CDK11B: variants seen among roughly 807,000 people sequenced by gnomAD.
CDK11B encodes cyclin-dependent kinase 11B.
In CDK11B, 37 loss-of-function variants were observed where a neutral mutation model predicts 84.0. The observed-to-expected ratio is 0.44, with a 90% CI of 0.34 to 0.58. CDK11B has a LOEUF of 0.58. Among genes scored for constraint, CDK11B ranks in the 20% least tolerant of loss-of-function variants. The pLI is 0.02. For synonymous variants in CDK11B, 269 were observed against 309.8 expected (o/e 0.87, Z 1.38); for missense variants, 427 against 834.0 (o/e 0.51, Z 6.01).
Position 1,636,377 on chromosome 1 carries a change from G to A in CDK11B, c.2022C>T (p.Arg674=), listed in dbSNP as rs1371531082. ...CCTGGTCTGAGAGCAGAGCCCCGAA[G>A]CGCTTGCGGAGGTTGTTGTAGGGGT... ...SEHPYNNLRK[R]FGALLSDQGF... is the part of the protein sequence containing the mutation. The change falls in exon 18 of 20, where the codon CGC becomes CGT. Residue 674 remains arginine (R), a synonymous_variant. Coordinates refer to ENST00000341832, the MANE Select transcript of CDK11B (RefSeq NM_033486.3). 1.2e-6 allele frequency: 2 copies of A among 1,604,420 alleles called. No homozygotes were observed.
At chr1:1,647,156 T>G (rs1329251733) in intron 5 of CDK11B, among the ~76,000 whole-genome samples, 1 of 152,210 alleles carries the variant, frequency 6.6e-6, no homozygotes, top group Non-Finnish European at 1.5e-5. Context: ...TTTCTTGTTT[T>G]TTTCTCTCTG....
chr1:1,637,985 C>T (rs1307397318), intron 12 of CDK11B, 102 bp from the exon 13 acceptor site: 9 of 1,536,680 alleles, frequency 5.9e-6, no homozygotes, highest in Non-Finnish European at 8.8e-7. Flanking sequence ...AAAGCGCCAG[C>T]ATTTCACGGA....
At chr1:1,636,504 C>T (rs752463087) in intron 17 of CDK11B, 23 bp from the exon 18 acceptor site, 2 of 1,605,556 alleles carry the variant, frequency 1.2e-6, no homozygotes, top group South Asian at 2.2e-5. Flanking sequence ...GGTGCTTCAA[C>T]AGCCACACCA....
chr1:1,649,975 C>A (rs1641692875), intron 4 of CDK11B, among the ~76,000 whole-genome samples: 1 of 135,962 alleles, frequency 7.4e-6, no homozygotes, highest in Non-Finnish European at 1.6e-5. Flanking sequence ...AAAAAACCCA[C>A]GTGAAACTGA....
rs1553163128 is a variant in CDK11B, at chr1:1,653,042, C to A, written c.228-476G>T. Among the ~76,000 whole-genome samples, 11 of 143,872 alleles carry A rather than the reference C, an allele frequency of 7.6e-5. No individual in the cohort carries two copies. In the South Asian group the frequency reaches 2.0e-3, roughly 26 times the overall value. 94.4% of individuals were successfully genotyped at this position (143,872 alleles called of 152,430 possible). ...CCGGCCTGTATTTATTTTTTTGAGA[C>A]GGAGTCTCGCTCTGTTGCCCAGGCT... On this transcript the variant is annotated intron_variant, in intron 3 of 19. Transcript: ENST00000341832.
At chr1:1,638,396 A>G in intron 12 of CDK11B, 104 bp downstream of exon 12, 2 of 1,048,576 alleles carry the variant, frequency 1.9e-6, no homozygotes, top group South Asian at 1.3e-5. Flanking sequence ...TCCAACCTCC[A>G]GTAGCTGCTC....
At chr1:1,655,279 C>T (rs543682613) in intron 3 of CDK11B, 90 bp downstream of exon 3, 13 of 1,466,674 alleles carry the variant, frequency 8.9e-6, no homozygotes, top group South Asian at 5.5e-5. Flanking sequence ...ATAGTTACAA[C>T]AGCACACAGT....
chr1:1,636,600 C>T, intron 17 of CDK11B, 82 bp downstream of exon 17: 1 of 1,593,798 alleles, frequency 6.3e-7, no homozygotes. Context: ...CCCATCTCAA[C>T]CCAGCACCTG....
At chr1:1,649,870 C>CGG (rs1641666947) in intron 4 of CDK11B, among the ~76,000 whole-genome samples, 5 of 146,332 alleles carry the variant, frequency 3.4e-5, no homozygotes, top group East Asian at 4.1e-4. Flanking sequence ...AGCTACTAAG[C>CGG]GAGGCTGAGG....
intron 9 of CDK11B, 101 bp from the exon 10 acceptor site, chr1:1,641,214 G>A: frequency 6.4e-7 from 1 of 1,563,078 alleles, no homozygotes; most frequent in Non-Finnish European, 8.7e-7. Flanking sequence ...GTGTTCCCAA[G>A]AATGGATATG....
At position 1,652,524 on chromosome 1, in the gene CDK11B, T is replaced by C. The variant is rs1269774808; in HGVS notation, c.270A>G (p.Gln90=). 3.3e-6 allele frequency: 5 copies of C among 1,506,094 alleles called. No individual in the cohort carries two copies. The African/African-American group carries it at 5.8e-5, about 17-fold the overall frequency. The allele number at this position is 1,506,094 out of a possible 1,614,324, so 93.3% of individuals were successfully genotyped here. The change falls in exon 4 of 20, where the codon CAA becomes CAG. Residue 90 remains glutamine (Q), a synonymous_variant. Coordinates refer to ENST00000341832, the MANE Select transcript of CDK11B (RefSeq NM_033486.3). ...DDSLAIKPPQ[Q]MSRKEKAHHR... ...GATGAGCTTTTTCTTTCCGAGACAT[T>C]TGCTGGGGTGGTTTGATGGCCAAAG...
intron 4 of CDK11B, among the ~76,000 whole-genome samples, chr1:1,652,195 C>T (rs1422663947): frequency 3.0e-4 from 45 of 152,106 alleles, no homozygotes; most frequent in Admixed American, 8.5e-4. Context: ...GGTTTTCGGT[C>T]TGTGACACAC....
chr1:1,650,376 T>C (rs1185695077), intron 4 of CDK11B, among the ~76,000 whole-genome samples: 1 of 147,278 alleles, frequency 6.8e-6, no homozygotes, highest in Non-Finnish European at 1.5e-5. Flanking sequence ...TTTTCTTTTT[T>C]TTTTTTGGAG....
chr1:1,649,898 C>T (rs1641672024), intron 4 of CDK11B, among the ~76,000 whole-genome samples: 1 of 150,990 alleles, frequency 6.6e-6, no homozygotes, highest in South Asian at 2.1e-4. Flanking sequence ...ATTGCTTGAA[C>T]CCGGGAGGCG....
chr1:1,648,245 C>A (rs1461786056), intron 5 of CDK11B, among the ~76,000 whole-genome samples: 1 of 152,216 alleles, frequency 6.6e-6, no homozygotes, highest in Non-Finnish European at 1.5e-5. Flanking sequence ...AATATGACAG[C>A]CCAAATTTCA....
rs200666581 is a variant in CDK11B at position 1,645,781 on chromosome 1, T to C, written c.495-519A>G. 939 of 341,134 alleles carry C rather than the reference T, an allele frequency of 2.8e-3. 1 individual carries two copies. Among genetic ancestry groups the C allele is most frequent in the African/African-American group, 9.5e-3 (435 of 45,878 alleles). The allele number at this position is 341,134 out of a possible 1,614,324, so 21.1% of individuals were successfully genotyped here. On this transcript the variant is annotated intron_variant, in intron 5 of 19. Coordinates refer to ENST00000341832, the MANE Select transcript of CDK11B (RefSeq NM_033486.3). ...TGGTTAGATGCATTCACACGTATCA[T>C]TGCTGTATCTTCCTGCTGTATTGGC...
intron 5 of CDK11B, among the ~76,000 whole-genome samples, chr1:1,647,437 G>A (rs1641311929): frequency 6.6e-6 from 1 of 152,254 alleles, no homozygotes; most frequent in South Asian, 2.1e-4. Flanking sequence ...CTTCCCACAT[G>A]CCTATTTTAA....
chr1:1,636,928 T>C lies in CDK11B; in HGVS notation c.1769A>G (p.Tyr590Cys), dbSNP rs1481080808. 1 of 1,606,446 alleles carries C rather than the reference T, an allele frequency of 6.2e-7. No individual in the cohort carries two copies. Among genetic ancestry groups the C allele is most frequent in the Admixed American group, 1.7e-5 (1 of 59,750 alleles). Reference sequence around the variant, plus strand: ...ACCAAGCAGCAGCTCTGGGGCGCGGTACCACAGGGTCACCACGACCGGGGT... The same window carrying C: ...ACCAAGCAGCAGCTCTGGGGCGCGGCACCACAGGGTCACCACGACCGGGGT... ...AYTPVVVTLWYRAPELLLGAK... is the reference protein window; with the variant it reads ...AYTPVVVTLWCRAPELLLGAK... Residue 590 changes from tyrosine to cysteine, a missense_variant, in exon 16 of 20, where the codon TAC (tyrosine) becomes TGC (cysteine). Around this residue, in one of 12 missense-constraint regions of CDK11B, gnomAD observed 170 missense variants for 196.0 expected, o/e 0.87. Coordinates refer to ENST00000341832, the MANE Select transcript of CDK11B (RefSeq NM_033486.3).
intron 17 of CDK11B, 41 bp downstream of exon 17, chr1:1,636,641 T>G: frequency 1.9e-6 from 3 of 1,612,602 alleles, no homozygotes; most frequent in Non-Finnish European, 2.5e-6. Context: ...CTGCAACTCC[T>G]CCACAACCCC....
Sources: gnomAD v4.1 joint callset for allele counts (sites outside exome capture counted in the v4.1 genomes callset) on GRCh38, gnomAD v4.1.1 for gene constraint, gnomAD v4.1.1 regional missense constraint, MANE v1.5 for transcripts, NCBI Gene and HGNC (gene_info 2026-07-23, HGNC 2026-07-21) for gene names.